The following XRCC4 variants were observed in gnomAD, a reference collection of about 807,000 sequenced individuals.
The protein encoded by XRCC4 is X-ray repair cross complementing 4, also known as DNA repair protein XRCC4.
XRCC4 carries 28 observed loss-of-function variants against 39.1 expected under a neutral mutation model. The ratio of observed to expected loss-of-function variants is 0.72; its 90% CI spans 0.53 to 0.98. The LOEUF is 0.98. Ranked by LOEUF, XRCC4 falls within the 50% of genes least tolerant of loss-of-function variation. XRCC4 has a pLI of 0.00. For missense variants in XRCC4, 350 were observed against 376.4 expected (o/e 0.93, Z 0.58); for synonymous variants, 123 against 126.4 (o/e 0.97, Z 0.18).
intron 6 of XRCC4, among the ~76,000 whole-genome samples, chr5:83,207,108 G>C (rs1751451393): frequency 6.6e-6 from 1 of 152,044 alleles, no homozygotes; most frequent in Admixed American, 6.6e-5. Flanking sequence ...ATCAAATAGA[G>C]AAAAACTTAC....
At chr5:83,326,964 C>T (rs950169530) in intron 7 of XRCC4, among the ~76,000 whole-genome samples, 8 of 151,990 alleles carry the variant, frequency 5.3e-5, no homozygotes, top group African/African-American at 9.7e-5. Context: ...TACACCTGCA[C>T]GTTAATCAGA....
At chr5:83,166,781 A>G (rs2112604827) in intron 3 of XRCC4, among the ~76,000 whole-genome samples, 1 of 151,702 alleles carries the variant, frequency 6.6e-6, no homozygotes, top group South Asian at 2.1e-4. Flanking sequence ...TTGGCCAAGC[A>G]TTTGTTTTTT....
At chr5:83,146,292 G>T (rs574187298) in intron 3 of XRCC4, among the ~76,000 whole-genome samples, 1 of 152,278 alleles carries the variant, frequency 6.6e-6, no homozygotes, top group African/African-American at 2.4e-5. Context: ...TAAACAATCT[G>T]GCAAGGGGAC....
intron 7 of XRCC4, among the ~76,000 whole-genome samples, chr5:83,287,917 A>C (rs1366408609): frequency 6.6e-6 from 1 of 151,770 alleles, no homozygotes; most frequent in African/African-American, 2.4e-5. Context: ...AAATATATGC[A>C]TTTAAGGCTA....
intron 6 of XRCC4, among the ~76,000 whole-genome samples, chr5:83,206,204 A>G (rs2089566): frequency 0.1 from 15,146 of 152,128 alleles, 1,506 homozygotes; most frequent in East Asian, 0.48. Context: ...TTGTGTTAAG[A>G]ATAGACTATA....
At chr5:83,296,353 A>G (rs1282440787) in intron 7 of XRCC4, among the ~76,000 whole-genome samples, 2 of 152,162 alleles carry the variant, frequency 1.3e-5, no homozygotes, top group African/African-American at 2.4e-5. Flanking sequence ...CACTTTGAAT[A>G]AACCTCATTT....
chr5:83,233,863 A>G (rs935497706), intron 6 of XRCC4, among the ~76,000 whole-genome samples: 1 of 148,784 alleles, frequency 6.7e-6, no homozygotes, highest in Non-Finnish European at 1.5e-5. Flanking sequence ...AGATCGCACT[A>G]CTGCACTCCA....
At chr5:83,285,932 CT>C (rs1357065115) in intron 7 of XRCC4, among the ~76,000 whole-genome samples, 1 of 152,060 alleles carries the variant, frequency 6.6e-6, no homozygotes, top group Admixed American at 6.6e-5. Context: ...TTCACAGGAG[CT>C]TGTTATTCCT....
chr5:83,213,312 A>G (rs1751726677), intron 6 of XRCC4, among the ~76,000 whole-genome samples: 1 of 152,142 alleles, frequency 6.6e-6, no homozygotes, highest in African/African-American at 2.4e-5. Context: ...AAAATAATAA[A>G]AAATGTAAAA....
intron 7 of XRCC4, among the ~76,000 whole-genome samples, chr5:83,305,944 G>A (rs1280236435): frequency 6.6e-6 from 1 of 152,166 alleles, no homozygotes; most frequent in Non-Finnish European, 1.5e-5. Flanking sequence ...TCATTCTCAG[G>A]ATGGTCACCA....
At chr5:83,205,424 A>G (rs1751381753) in intron 6 of XRCC4, among the ~76,000 whole-genome samples, 1 of 149,762 alleles carries the variant, frequency 6.7e-6, no homozygotes, top group East Asian at 2.4e-4. Flanking sequence ...GCAGTTTAGT[A>G]CAAAGTACCT....
At chr5:83,323,366 AAATG>A (rs1756140426) in intron 7 of XRCC4, among the ~76,000 whole-genome samples, 1 of 152,114 alleles carries the variant, frequency 6.6e-6, no homozygotes, top group Non-Finnish European at 1.5e-5. Flanking sequence ...ACAAATAAGA[AAATG>A]AATATTACAG....
chr5:83,126,832 A>C (rs909718554), intron 3 of XRCC4, among the ~76,000 whole-genome samples: 1 of 152,204 alleles, frequency 6.6e-6, no homozygotes, highest in Non-Finnish European at 1.5e-5. Flanking sequence ...ACGTATCTGG[A>C]AGGTGGGACA....
At chr5:83,152,251 G>A (rs374741578) in intron 3 of XRCC4, among the ~76,000 whole-genome samples, 3 of 152,198 alleles carry the variant, frequency 2.0e-5, no homozygotes, top group East Asian at 1.9e-4. Flanking sequence ...TTAAATTAGT[G>A]TTTAAGGTTT....
intron 7 of XRCC4, among the ~76,000 whole-genome samples, chr5:83,335,679 ATTGG>A (rs888641585): frequency 3.9e-5 from 6 of 152,062 alleles, no homozygotes; most frequent in African/African-American, 9.6e-5. Context: ...TTTAGAAAAT[ATTGG>A]TTGAAGTAAG....
intron 1 of XRCC4, among the ~76,000 whole-genome samples, chr5:83,091,889 T>C (rs1036629331): frequency 2.0e-5 from 3 of 152,216 alleles, no homozygotes; most frequent in Non-Finnish European, 4.4e-5. Flanking sequence ...GAAGTGGGAT[T>C]GCTGGATCAT....
chr5:83,282,601 T>C (rs1202550693), intron 7 of XRCC4, among the ~76,000 whole-genome samples: 5 of 151,396 alleles, frequency 3.3e-5, no homozygotes, highest in Admixed American at 2.6e-4. Context: ...CCCAGCACTT[T>C]GGGAGGCCAA....
At chr5:83,102,213 G>C (rs1163727528) in intron 1 of XRCC4, among the ~76,000 whole-genome samples, 1 of 152,082 alleles carries the variant, frequency 6.6e-6, no homozygotes, top group African/African-American at 2.4e-5. Context: ...ACTATGCTTT[G>C]AGTGGCAGAG....
intron 7 of XRCC4, among the ~76,000 whole-genome samples, chr5:83,329,043 G>A (rs1421045713): frequency 6.6e-6 from 1 of 151,962 alleles, no homozygotes; most frequent in Non-Finnish European, 1.5e-5. Flanking sequence ...CTTATTAGCT[G>A]GGACTGCAGA....
Sources: gnomAD v4.1 joint callset for allele counts (sites outside exome capture counted in the v4.1 genomes callset) on GRCh38, gnomAD v4.1.1 for gene constraint, MANE v1.5 for transcripts, NCBI Gene and HGNC (gene_info 2026-07-23, HGNC 2026-07-21) for gene names.